The following UGT2B7 variants were observed in gnomAD, a reference collection of about 807,000 sequenced individuals.
The protein encoded by UGT2B7 is UDP-glucuronosyltransferase 2B7.
Under a neutral mutation model 51.9 loss-of-function variants are expected in UGT2B7, and 51 were observed. The observed-to-expected ratio is 0.98, with a 90% CI of 0.78 to 1.24. The LOEUF (loss-of-function observed/expected upper bound fraction) is 1.24. Ranked by LOEUF, UGT2B7 falls within the 50% of genes most tolerant of loss-of-function variation. The pLI is 0.00. For synonymous variants in UGT2B7, 225 were observed against 211.6 expected, an observed-to-expected ratio of 1.06 and a Z score of -0.55; for missense variants, 727 against 628.4, an observed-to-expected ratio of 1.16 and a Z score of -1.68.
chr4:69,052,722 T>C lies in UGT2B7; in HGVS notation c.-159+1120T>C, dbSNP rs536845446. ...TTGAGACATGTTGAAGAATTGTCAG[T>C]GGAAGTCGTGAAAAAAAGTTATAAA... On this transcript the variant is annotated intron_variant, in intron 1 of 5. Transcript: ENST00000502942. Among the ~76,000 whole-genome samples the C allele has an allele frequency of 3.5e-5, 4 of 114,214 alleles. No homozygotes were observed. In the South Asian group the frequency reaches 1.1e-3, roughly 32 times the overall value. The allele number at this position is 114,214 out of a possible 152,430, so 74.9% of individuals were successfully genotyped here.
chr4:69,065,289 A>C (rs2109865650), intron 1 of UGT2B7, among the ~76,000 whole-genome samples: 1 of 152,210 alleles, frequency 6.6e-6, no homozygotes, highest in African/African-American at 2.4e-5. Context: ...AAATAGAAAA[A>C]CCAAACTGCC....
At chr4:69,091,593 C>T (rs559239326), upstream of UGT2B7, among the ~76,000 whole-genome samples, 1 of 152,042 alleles carries the variant, frequency 6.6e-6, no homozygotes, top group Non-Finnish European at 1.5e-5. Flanking sequence ...TATTTCAATT[C>T]GGAGCCCTGT....
chr4:69,075,071 A>G (rs1298298752), intron 1 of UGT2B7, among the ~76,000 whole-genome samples: 1 of 152,196 alleles, frequency 6.6e-6, no homozygotes, highest in Non-Finnish European at 1.5e-5. Flanking sequence ...TTGTAAAAAT[A>G]TAAATTCACA....
At chr4:69,070,216 TTA>T (rs200385797) in intron 1 of UGT2B7, among the ~76,000 whole-genome samples, 1 of 147,822 alleles carries the variant, frequency 6.8e-6, no homozygotes, top group East Asian at 1.9e-4. Context: ...ACCTCTTCTT[TTA>T]TATATATATT....
intron 1 of UGT2B7, among the ~76,000 whole-genome samples, chr4:69,061,271 C>A (rs1560498682): frequency 6.6e-6 from 1 of 152,230 alleles, no homozygotes; most frequent in Non-Finnish European, 1.5e-5. Flanking sequence ...AGACTCTTAA[C>A]TCCTGGAGGT....
intron 1 of UGT2B7, among the ~76,000 whole-genome samples, chr4:69,058,970 G>T (rs1333261819): frequency 6.6e-6 from 1 of 152,214 alleles, no homozygotes; most frequent in Admixed American, 6.5e-5. Context: ...ACACTGGAAG[G>T]ATGAGTGTCC....
At chr4:69,085,308 GTTGT>G (rs1284961846) in intron 1 of UGT2B7, among the ~76,000 whole-genome samples, 2 of 152,184 alleles carry the variant, frequency 1.3e-5, no homozygotes, top group Non-Finnish European at 2.9e-5. Flanking sequence ...TTTTGATGGG[GTTGT>G]TTGTTTTTGT....
chr4:69,063,319 A>AT (rs1491474489), intron 1 of UGT2B7, among the ~76,000 whole-genome samples: 1 of 124,566 alleles, frequency 8.0e-6, no homozygotes, highest in African/African-American at 3.2e-5. Flanking sequence ...ACTCCGTCTC[A>AT]AAAAAAAAAA....
intron 1 of UGT2B7, among the ~76,000 whole-genome samples, chr4:69,058,312 C>T (rs916010545): frequency 2.0e-5 from 3 of 152,166 alleles, no homozygotes. Flanking sequence ...ATGCCCCAGT[C>T]TCACCTGAGA....
intron 1 of UGT2B7, among the ~76,000 whole-genome samples, chr4:69,072,299 T>C (rs1718618767): frequency 1.3e-5 from 2 of 152,170 alleles, no homozygotes; most frequent in Non-Finnish European, 2.9e-5. Flanking sequence ...ATGGAATCAC[T>C]GAATTGAAAT....
Position 69,062,503 on chromosome 4 carries a change from C to T in UGT2B7, c.-159+10901C>T, listed in dbSNP as rs140991348. Among the ~76,000 whole-genome samples, 269 of 152,226 alleles carry T rather than the reference C, an allele frequency of 1.8e-3. 2 individuals are homozygous for T. The highest frequency in any genetic ancestry group is 6.3e-3 in the African/African-American group (260 of 41,536). On this transcript the variant is annotated intron_variant, in intron 1 of 5. Coordinates refer to the UGT2B7 transcript ENST00000502942. Reference sequence around the variant, plus strand: ...CAACTATTCTGAGCCCCATATGGGACGGGCCCCATATTGTGATCTTGTCCA... The same window carrying T: ...CAACTATTCTGAGCCCCATATGGGATGGGCCCCATATTGTGATCTTGTCCA...
At chr4:69,070,611 T>A (rs972582113) in intron 1 of UGT2B7, among the ~76,000 whole-genome samples, 1 of 151,886 alleles carries the variant, frequency 6.6e-6, no homozygotes, top group South Asian at 2.1e-4. Context: ...AAAGGAAATA[T>A]GAGGAAATAA....
chr4:69,066,061 A>G (rs953480028), intron 1 of UGT2B7, among the ~76,000 whole-genome samples: 1 of 152,100 alleles, frequency 6.6e-6, no homozygotes, highest in Non-Finnish European at 1.5e-5. Context: ...ACTTGTCCTC[A>G]TTTCCTTATT....
intron 3 of UGT2B7, among the ~76,000 whole-genome samples, chr4:69,106,102 C>T (rs1577926260): frequency 6.6e-6 from 1 of 151,952 alleles, no homozygotes; most frequent in African/African-American, 2.4e-5. Flanking sequence ...ATTAATTTAA[C>T]TTTTATTTGT....
chr4:69,102,578 A>G (rs1402138557), intron 2 of UGT2B7, among the ~76,000 whole-genome samples: 3 of 152,156 alleles, frequency 2.0e-5, no homozygotes, highest in South Asian at 4.1e-4. Flanking sequence ...ACACAAATAC[A>G]TACACATACA....
intron 1 of UGT2B7, among the ~76,000 whole-genome samples, chr4:69,082,033 T>C (rs1268874230): frequency 1.3e-5 from 2 of 152,100 alleles, no homozygotes; most frequent in Non-Finnish European, 2.9e-5. Context: ...TTCGCTACTA[T>C]TATATCTGTC....
At chr4:69,062,395 G>C (rs755298620) in intron 1 of UGT2B7, among the ~76,000 whole-genome samples, 2 of 152,178 alleles carry the variant, frequency 1.3e-5, no homozygotes, top group African/African-American at 4.8e-5. Context: ...ATGGCTAAGC[G>C]CAGGAAAGAA....
intron 1 of UGT2B7, 25 bp from the exon 2 acceptor site, chr4:69,098,514 AC>A (rs750693357): frequency 9.2e-6 from 14 of 1,522,502 alleles, no homozygotes; most frequent in Non-Finnish European, 1.2e-5. Flanking sequence ...TGTGTCATCC[AC>A]CTTTTTTTTT....
At chr4:69,071,717 A>G (rs1197618864) in intron 1 of UGT2B7, among the ~76,000 whole-genome samples, 1 of 152,238 alleles carries the variant, frequency 6.6e-6, no homozygotes, top group Non-Finnish European at 1.5e-5. Context: ...AGAGATATAC[A>G]CTAAATATTT....
Sources: allele counts gnomAD v4.1 joint callset (sites outside exome capture counted in the v4.1 genomes callset), GRCh38; gene constraint gnomAD v4.1.1; transcripts MANE v1.5; gene names NCBI Gene and HGNC (gene_info 2026-07-23, HGNC 2026-07-21).